The following SMYD3 variants were observed in gnomAD, a reference collection of about 807,000 sequenced individuals.
The protein encoded by SMYD3 is SET and MYND domain containing 3, also known as histone-lysine N-methyltransferase SMYD3.
In SMYD3, 36 loss-of-function variants were observed where a neutral mutation model predicts 57.7. The observed-to-expected ratio is 0.62, with a 90% CI of 0.48 to 0.82. SMYD3 has a LOEUF of 0.82. Among genes scored for constraint, SMYD3 ranks in the 40% least tolerant of loss-of-function variants. The pLI is 0.00. For missense variants in SMYD3, 515 were observed against 538.8 expected, an observed-to-expected ratio of 0.96 and a Z score of 0.44; for synonymous variants, 211 against 195.0, an observed-to-expected ratio of 1.08 and a Z score of -0.68.
chr1:246,444,281 A>G (rs1052119284), intron 1 of SMYD3, among the ~76,000 whole-genome samples: 6 of 152,012 alleles, frequency 3.9e-5, no homozygotes, highest in Non-Finnish European at 8.8e-5. Flanking sequence ...ATGTGCCACC[A>G]CGCCTGGCTA....
At chr1:245,846,960 T>C (rs1293466580) in intron 10 of SMYD3, among the ~76,000 whole-genome samples, 1 of 152,166 alleles carries the variant, frequency 6.6e-6, no homozygotes, top group Non-Finnish European at 1.5e-5. Context: ...ATTTCCATCA[T>C]CTGTTTCCCT....
At chr1:246,137,078 A>G (rs1385159801) in intron 5 of SMYD3, among the ~76,000 whole-genome samples, 1 of 152,192 alleles carries the variant, frequency 6.6e-6, no homozygotes, top group Non-Finnish European at 1.5e-5. Flanking sequence ...TCATGCATAT[A>G]CTAGAATTTT....
chr1:245,979,644 C>T (rs2148064004), intron 5 of SMYD3, among the ~76,000 whole-genome samples: 1 of 152,244 alleles, frequency 6.6e-6, no homozygotes, highest in East Asian at 1.9e-4. Flanking sequence ...CCCACACGCC[C>T]TGATTTCAGA....
At chr1:245,791,960 G>T (rs1201985762) in intron 10 of SMYD3, among the ~76,000 whole-genome samples, 1 of 149,736 alleles carries the variant, frequency 6.7e-6, no homozygotes, top group African/African-American at 2.5e-5. Flanking sequence ...ACTTGTGTGT[G>T]TGTGTGTGTG....
rs111645753 is a variant in SMYD3, at chr1:245,849,368, T to A, written c.1076+9128A>T. ...GAGGAATTTGGCATCGGGAGGATAT[T>A]TTACACCGTGCTTTAAGATAAAGGT... On this transcript the variant is annotated intron_variant, in intron 10 of 11. Coordinates refer to ENST00000490107, the MANE Select transcript of SMYD3 (RefSeq NM_001167740.2). Among the ~76,000 whole-genome samples, 208 of 152,244 alleles carry A rather than the reference T, an allele frequency of 1.4e-3. 1 individual carries two copies. Among genetic ancestry groups the A allele is most frequent in the African/African-American group, 4.1e-3 (172 of 41,544 alleles).
At chr1:246,343,012 A>G (rs1260073277) in intron 2 of SMYD3, among the ~76,000 whole-genome samples, 1 of 152,236 alleles carries the variant, frequency 6.6e-6, no homozygotes, top group East Asian at 1.9e-4. Context: ...GTAAAATTGT[A>G]CATTACAGGG....
At chr1:245,805,219 G>A (rs979638009) in intron 10 of SMYD3, among the ~76,000 whole-genome samples, 2 of 151,828 alleles carry the variant, frequency 1.3e-5, no homozygotes, top group African/African-American at 2.4e-5. Context: ...ATGCAGAGAA[G>A]GGAAGAATCA....
At chr1:246,181,062 C>A (rs978845568) in intron 5 of SMYD3, among the ~76,000 whole-genome samples, 11 of 152,162 alleles carry the variant, frequency 7.2e-5, no homozygotes, top group Non-Finnish European at 2.9e-5. Flanking sequence ...CATCTCTCCA[C>A]ATGCATTCCC....
chr1:245,918,644 A>C (rs1321362257), intron 7 of SMYD3, among the ~76,000 whole-genome samples: 1 of 152,224 alleles, frequency 6.6e-6, no homozygotes, highest in African/African-American at 2.4e-5. Context: ...CCTATTTCCA[A>C]GCTCACTTTT....
At chr1:245,751,691 G>A (rs1466059436) in intron 11 of SMYD3, among the ~76,000 whole-genome samples, 1 of 152,220 alleles carries the variant, frequency 6.6e-6, no homozygotes, top group Non-Finnish European at 1.5e-5. Flanking sequence ...GCTCTGCTCT[G>A]AGTCCAGTTG....
chr1:246,008,179 G>A (rs2059209836), intron 5 of SMYD3, among the ~76,000 whole-genome samples: 1 of 152,220 alleles, frequency 6.6e-6, no homozygotes, highest in Non-Finnish European at 1.5e-5. Context: ...AAGAATGGAA[G>A]GCTGAAATAG....
intron 5 of SMYD3, among the ~76,000 whole-genome samples, chr1:246,268,053 C>CA (rs1375351897): frequency 1.3e-5 from 2 of 152,148 alleles, no homozygotes; most frequent in East Asian, 3.9e-4. Flanking sequence ...ATTGTATTGT[C>CA]AGAGGCGTGT....
At chr1:246,007,635 C>A (rs1261720757) in intron 5 of SMYD3, among the ~76,000 whole-genome samples, 4 of 145,048 alleles carry the variant, frequency 2.8e-5, no homozygotes, top group African/African-American at 9.9e-5. Context: ...CACGGCGAAA[C>A]CCCATTCTAC....
At chr1:246,353,277 C>T (rs1043567757) in intron 2 of SMYD3, among the ~76,000 whole-genome samples, 4 of 152,132 alleles carry the variant, frequency 2.6e-5, no homozygotes, top group South Asian at 2.1e-4. Flanking sequence ...CCTATAATCC[C>T]AGCACTTTGG....
Position 245,791,402 on chromosome 1 carries a change from T to C in SMYD3, c.1077-27253A>G, listed in dbSNP as rs186640056. On this transcript the variant is annotated intron_variant, in intron 10 of 11. Transcript: ENST00000490107. The stretch of plus-strand genomic sequence containing the variant: ...ATCCTGCTAACACCATGAGGATAAA[T>C]TGCAAAACAGCATATGGAAATGGCA... Among the ~76,000 whole-genome samples the C allele has an allele frequency of 4.6e-5, 7 of 152,252 alleles. No homozygotes were observed. In the East Asian group the frequency reaches 1.2e-3, roughly 25 times the overall value.
chr1:246,392,518 G>GCTCACTGCAGTCTCAAT (rs1254552317), intron 1 of SMYD3, among the ~76,000 whole-genome samples: 1 of 151,876 alleles, frequency 6.6e-6, no homozygotes, highest in East Asian at 1.9e-4. Context: ...GTGCAGTGTG[G>GCTCACTGCAGTCTCAAT]CTCACTGCAG....
intron 5 of SMYD3, among the ~76,000 whole-genome samples, chr1:246,086,247 C>T (rs1483810040): frequency 2.0e-5 from 3 of 151,898 alleles, no homozygotes; most frequent in Non-Finnish European, 2.9e-5. Flanking sequence ...TTTTTGTCAG[C>T]GAACTGCTAC....
intron 7 of SMYD3, among the ~76,000 whole-genome samples, chr1:245,924,278 T>A (rs2056202088): frequency 6.6e-6 from 1 of 151,806 alleles, no homozygotes; most frequent in Non-Finnish European, 1.5e-5. Context: ...ATATTACACA[T>A]CTCTCTCTGT....
chr1:246,436,058 T>A (rs1457127079), intron 1 of SMYD3, among the ~76,000 whole-genome samples: 2 of 152,252 alleles, frequency 1.3e-5, no homozygotes, highest in East Asian at 1.9e-4. Context: ...CAAGTTTTTT[T>A]AAAATTATTA....
Sources: allele counts gnomAD v4.1 joint callset (sites outside exome capture counted in the v4.1 genomes callset), GRCh38; gene constraint gnomAD v4.1.1; transcripts MANE v1.5; gene names NCBI Gene and HGNC (gene_info 2026-07-23, HGNC 2026-07-21).